ARMH4: variants seen among roughly 807,000 people sequenced by gnomAD.
ARMH4 encodes the protein armadillo like helical domain containing 4, also known as armadillo-like helical domain-containing protein 4.
ARMH4 carries 49 observed loss-of-function variants against 61.9 expected under a neutral mutation model. That is an observed-to-expected ratio of 0.79 (90% confidence interval 0.63 to 1.00). The LOEUF (loss-of-function observed/expected upper bound fraction) is 1.00. ARMH4 is among the 50% of genes least tolerant of loss of function. The pLI is 0.00. For missense variants in ARMH4, 934 were observed against 930.0 expected, an observed-to-expected ratio of 1.00 and a Z score of -0.06; for synonymous variants, 368 against 341.5, an observed-to-expected ratio of 1.08 and a Z score of -0.85.
chr14:58,010,915 C>T (rs537417199), intron 6 of ARMH4, among the ~76,000 whole-genome samples: 4 of 151,532 alleles, frequency 2.6e-5, no homozygotes, highest in South Asian at 4.2e-4. Flanking sequence ...CCTAGGTTAA[C>T]ATAACAAATC....
intron 4 of ARMH4, among the ~76,000 whole-genome samples, chr14:58,121,829 A>T (rs1886734466): frequency 6.6e-6 from 1 of 152,150 alleles, no homozygotes; most frequent in South Asian, 2.1e-4. Context: ...AGAAAAGGGA[A>T]CCTCATCCTT....
chr14:58,072,557 A>C (rs369674252), intron 5 of ARMH4, among the ~76,000 whole-genome samples: 1 of 152,120 alleles, frequency 6.6e-6, no homozygotes, highest in East Asian at 1.9e-4. Context: ...CATCTCTACT[A>C]ACAACACAAA....
chr14:58,072,230 T>C (rs1236975978), intron 5 of ARMH4, among the ~76,000 whole-genome samples: 1 of 152,170 alleles, frequency 6.6e-6, no homozygotes, highest in Admixed American at 6.6e-5. Context: ...AATGAATGAA[T>C]GGATAGATGG....
In ARMH4 at chr14:58,138,910, G is replaced by GT; in HGVS notation, c.448dup (p.Thr150AsnfsTer9). On this transcript the variant is annotated frameshift_variant, in exon 2 of 8. Transcript: ENST00000267485. LOFTEE classifies it high-confidence loss of function. ...ATCAACAGTCAGAGAAGGAGTCGCA[G>GT]TGATAGCAATGGTTAACATGGCCTT... 3 of 1,614,224 alleles carry GT rather than the reference G, an allele frequency of 1.9e-6. No homozygotes were observed. In the South Asian group the frequency reaches 3.3e-5, roughly 18 times the overall value.
chr14:58,091,777 T>C (rs999393704), intron 5 of ARMH4, among the ~76,000 whole-genome samples: 5 of 152,218 alleles, frequency 3.3e-5, no homozygotes, highest in Non-Finnish European at 7.3e-5. Flanking sequence ...AAATTAATTC[T>C]GCATATGTGA....
At chr14:58,137,358 A>G (rs1008559546) in intron 2 of ARMH4, among the ~76,000 whole-genome samples, 1 of 152,180 alleles carries the variant, frequency 6.6e-6, no homozygotes, top group Non-Finnish European at 1.5e-5. Flanking sequence ...GTTAAAGAAC[A>G]CTGGTCTATA....
At chr14:58,151,806 T>C (rs1369773715) in intron 1 of ARMH4, among the ~76,000 whole-genome samples, 1 of 152,356 alleles carries the variant, frequency 6.6e-6, no homozygotes, top group East Asian at 1.9e-4. Context: ...GCTGGGAGGC[T>C]GGGCTGGAGC....
At chr14:58,019,795 AAAT>A (rs1217875667) in intron 5 of ARMH4, among the ~76,000 whole-genome samples, 3 of 152,078 alleles carry the variant, frequency 2.0e-5, no homozygotes, top group East Asian at 1.9e-4. Context: ...TGTCTCAAAA[AAAT>A]AATAATAAAA....
intron 5 of ARMH4, among the ~76,000 whole-genome samples, chr14:58,043,020 C>G (rs1275728406): frequency 1.3e-5 from 2 of 152,228 alleles, no homozygotes; most frequent in East Asian, 1.9e-4. Flanking sequence ...AATTCTACCA[C>G]AGGTACAAGG....
chr14:58,148,200 C>T (rs1887806705), intron 1 of ARMH4, among the ~76,000 whole-genome samples: 1 of 152,168 alleles, frequency 6.6e-6, no homozygotes. Context: ...GCATGTGCCA[C>T]CACACCCGGC....
chr14:58,057,213 T>C (rs1229460525), intron 5 of ARMH4, among the ~76,000 whole-genome samples: 1 of 152,218 alleles, frequency 6.6e-6, no homozygotes, highest in Admixed American at 6.5e-5. Flanking sequence ...GTCTAAGAAA[T>C]ACAATAAGAA....
chr14:58,049,572 G>A (rs1252033461), intron 5 of ARMH4, among the ~76,000 whole-genome samples: 2 of 152,196 alleles, frequency 1.3e-5, no homozygotes. Flanking sequence ...CAAACTTGCT[G>A]AAGGATGGAT....
rs900248410 is a variant in ARMH4, at chr14:58,002,876, T to C, written c.*1860A>G. The C allele has an allele frequency of 2.6e-5, 4 of 152,250 alleles. No homozygotes were observed. The South Asian group carries it at 8.3e-4, about 32-fold the overall frequency. 9.4% of individuals were successfully genotyped at this position (152,250 alleles called of 1,614,324 possible). ...TATTTGACTGTACAGAGCTTTTCAC[T>C]TCTCTTGATCAGTTTCACATATTTG... On this transcript the variant is annotated 3_prime_UTR_variant, in exon 8 of 8. Coordinates refer to ENST00000267485, the MANE Select transcript of ARMH4 (RefSeq NM_001001872.4).
intron 4 of ARMH4, among the ~76,000 whole-genome samples, chr14:58,129,152 G>A (rs962934374): frequency 1.3e-5 from 2 of 152,196 alleles, no homozygotes. Flanking sequence ...GACAGCCCTT[G>A]AAAACTCATA....
chr14:58,053,455 C>A (rs1033204482), intron 5 of ARMH4, among the ~76,000 whole-genome samples: 1 of 152,116 alleles, frequency 6.6e-6, no homozygotes, highest in Non-Finnish European at 1.5e-5. Context: ...TCTCTGAAGT[C>A]TTCAAAAACT....
intron 1 of ARMH4, among the ~76,000 whole-genome samples, chr14:58,150,122 T>C (rs1025618244): frequency 2.0e-5 from 3 of 152,240 alleles, no homozygotes; most frequent in African/African-American, 4.8e-5. Flanking sequence ...CAATTGGACA[T>C]ATCATTTCTG....
Position 58,085,813 on chromosome 14 carries a change from T to C in ARMH4, c.2089+10911A>G, listed in dbSNP as rs575967521. Among the ~76,000 whole-genome samples the C allele has an allele frequency of 4.6e-5, 7 of 152,310 alleles. No individual in the cohort carries two copies. The South Asian group carries it at 1.4e-3, about 32-fold the overall frequency. ...GCTCTTCCTAACCAACAAGTTCAAA[T>C]TTACTTTTAGTGAAACTTTGGTACC... On this transcript the variant is annotated intron_variant, in intron 5 of 7. Transcript: ENST00000267485.
chr14:58,004,799 T>A lies in ARMH4; in HGVS notation c.2262A>T (p.Arg754Ser). Residue 754 changes from arginine to serine, a missense_variant, in exon 8 of 8, where the codon AGA (arginine) becomes AGT (serine). By Grantham distance (110) the Arg-to-Ser change is moderately radical (BLOSUM62 -1). Coordinates refer to ENST00000267485, the MANE Select transcript of ARMH4 (RefSeq NM_001001872.4). ...NGFKRHKRKQ[R>S]EFNSMQDRVM... ...CTCGATCTTGCATGCTGTTGAATTC[T>A]CTCTGCTAGAGAAAGAAAACAGAAA... 6.2e-7 allele frequency: 1 copy of A among 1,610,364 alleles called. No individual in the cohort carries two copies.
Position 58,040,971 on chromosome 14 carries a change from T to C in ARMH4, c.2090-28821A>G, listed in dbSNP as rs539932910. On this transcript the variant is annotated intron_variant, in intron 5 of 7. Coordinates refer to ENST00000267485, the MANE Select transcript of ARMH4 (RefSeq NM_001001872.4). ...ACGTTCCTCTAAGTAAAATGAAACA[T>C]GGTCAGGGGGCGGTTCCAAGATGGC... 3.9e-5 allele frequency among the ~76,000 whole-genome samples: 6 copies of C among 152,256 alleles called. No individual in the cohort carries two copies. In the East Asian group the frequency reaches 5.8e-4, roughly 15 times the overall value.
Sources: gnomAD v4.1 joint callset for allele counts (sites outside exome capture counted in the v4.1 genomes callset) on GRCh38, gnomAD v4.1.1 for gene constraint, MANE v1.5 for transcripts, NCBI Gene and HGNC (gene_info 2026-07-23, HGNC 2026-07-21) for gene names.